GNPTAB: variants seen among roughly 807,000 people sequenced by gnomAD.
GNPTAB encodes the protein N-acetylglucosamine-1-phosphate transferase subunits alpha and beta.
In GNPTAB, 92 loss-of-function variants were observed where a neutral mutation model predicts 136.6. The ratio of observed to expected loss-of-function variants is 0.67; its 90% CI spans 0.57 to 0.80. The LOEUF (loss-of-function observed/expected upper bound fraction) is 0.80. GNPTAB is among the 30% of genes least tolerant of loss of function. The pLI is 0.00. For missense variants in GNPTAB, 1,343 were observed against 1,501.8 expected, an observed-to-expected ratio of 0.89 and a Z score of 1.75; for synonymous variants, 512 against 535.1, an observed-to-expected ratio of 0.96 and a Z score of 0.60.
At chr12:101,794,415 G>A (rs1312669636) in intron 2 of GNPTAB, among the ~76,000 whole-genome samples, 2 of 152,018 alleles carry the variant, frequency 1.3e-5, no homozygotes, top group Non-Finnish European at 2.9e-5. Flanking sequence ...TTGGGAGGCT[G>A]AGGTAAGAGG....
intron 1 of GNPTAB, among the ~76,000 whole-genome samples, chr12:101,805,933 T>C (rs1428934413): frequency 6.6e-6 from 1 of 152,234 alleles, no homozygotes; most frequent in Non-Finnish European, 1.5e-5. Context: ...TCATTAAACA[T>C]GATTTAAAAA....
At chr12:101,768,440 A>G (rs775103107) in intron 10 of GNPTAB, among the ~76,000 whole-genome samples, 1 of 152,226 alleles carries the variant, frequency 6.6e-6, no homozygotes, top group Non-Finnish European at 1.5e-5. Context: ...CTCTCATAAC[A>G]TGCTTTGATA....
At chr12:101,815,945 G>A (rs187087988) in intron 1 of GNPTAB, among the ~76,000 whole-genome samples, 154 of 152,292 alleles carry the variant, frequency 1.0e-3, no homozygotes, top group African/African-American at 3.5e-3. Flanking sequence ...CATACGATGG[G>A]GAAAGGACAG....
At chr12:101,802,279 G>A (rs931055386) in intron 1 of GNPTAB, among the ~76,000 whole-genome samples, 1 of 151,466 alleles carries the variant, frequency 6.6e-6, no homozygotes, top group Non-Finnish European at 1.5e-5. Context: ...TAAACTTATT[G>A]ACAATTCCTC....
At chr12:101,799,959 C>A (rs1869519841) in intron 1 of GNPTAB, among the ~76,000 whole-genome samples, 1 of 152,124 alleles carries the variant, frequency 6.6e-6, no homozygotes, top group African/African-American at 2.4e-5. Context: ...GAAGAGAACC[C>A]CAATAGAGAG....
intron 7 of GNPTAB, among the ~76,000 whole-genome samples, chr12:101,776,188 C>A (rs1953260647): frequency 6.6e-6 from 1 of 152,168 alleles, no homozygotes; most frequent in Non-Finnish European, 1.5e-5. Flanking sequence ...GGGAAGATTT[C>A]CCACTTGCTC....
chr12:101,803,297 T>C (rs1005542682), intron 1 of GNPTAB, among the ~76,000 whole-genome samples: 1 of 152,236 alleles, frequency 6.6e-6, no homozygotes, highest in African/African-American at 2.4e-5. Context: ...AAGACTAAGA[T>C]ATATTAAAGA....
At chr12:101,814,507 G>C (rs1435831805) in intron 1 of GNPTAB, among the ~76,000 whole-genome samples, 1 of 152,034 alleles carries the variant, frequency 6.6e-6, no homozygotes, top group African/African-American at 2.4e-5. Context: ...GACCAGCCTG[G>C]CCAACATGGT....
At chr12:101,782,567 T>C (rs561782896) in intron 5 of GNPTAB, among the ~76,000 whole-genome samples, 2 of 152,214 alleles carry the variant, frequency 1.3e-5, no homozygotes, top group African/African-American at 4.8e-5. Flanking sequence ...GTCTGAATTA[T>C]CACAACTTTT....
intron 1 of GNPTAB, among the ~76,000 whole-genome samples, chr12:101,824,216 T>C (rs1870954946): frequency 6.6e-6 from 1 of 151,944 alleles, no homozygotes; most frequent in East Asian, 1.9e-4. Flanking sequence ...AAAAGCTATC[T>C]TTCTGCTGCA....
At chr12:101,770,699 A>G in intron 8 of GNPTAB, 114 bp from the exon 9 acceptor site, 2 of 787,954 alleles carry the variant, frequency 2.5e-6, no homozygotes, top group Admixed American at 4.0e-5. Context: ...AGACTTTTAA[A>G]GATGGAGTCC....
intron 1 of GNPTAB, among the ~76,000 whole-genome samples, chr12:101,827,235 C>G (rs1871134831): frequency 6.6e-6 from 1 of 151,894 alleles, no homozygotes; most frequent in Non-Finnish European, 1.5e-5. Flanking sequence ...CTCAAGTGAT[C>G]CTCCCACCCC....
intron 1 of GNPTAB, among the ~76,000 whole-genome samples, chr12:101,827,057 CCT>C (rs1442706418): frequency 2.7e-5 from 4 of 150,426 alleles, no homozygotes; most frequent in Non-Finnish European, 5.9e-5. Context: ...AAGCAACACT[CCT>C]GCCACAGCCT....
rs1555277081 is a variant in GNPTAB, at chr12:101,830,637, G to A, written c.39C>T (p.Cys13=). The A allele has an allele frequency of 1.2e-6, 2 of 1,611,230 alleles. No homozygotes were observed. The highest frequency in any genetic ancestry group is 1.3e-5 in the African/African-American group (1 of 74,926). The change falls in exon 1 of 21, where the codon TGC becomes TGT. Residue 13 remains cysteine (C), a synonymous_variant. Coordinates refer to ENST00000299314, the MANE Select transcript of GNPTAB (RefSeq NM_024312.5). ...FKLLQRQTYT[C]LSHRYGLYVC... is the part of the protein sequence containing the mutation. Reference sequence around the variant, plus strand: ...CGTAGAGCCCATACCTGTGGGACAGGCAGGTATAGGTCTGTCTCTGCAGGA... The same window carrying A: ...CGTAGAGCCCATACCTGTGGGACAGACAGGTATAGGTCTGTCTCTGCAGGA...
chr12:101,797,581 G>A (rs1415819933), intron 1 of GNPTAB, among the ~76,000 whole-genome samples: 7 of 152,242 alleles, frequency 4.6e-5, no homozygotes, highest in South Asian at 2.1e-4. Context: ...CCAAGATCGC[G>A]CCACTGCACT....
At chr12:101,794,005 G>A (rs900149488) in intron 2 of GNPTAB, among the ~76,000 whole-genome samples, 2 of 152,044 alleles carry the variant, frequency 1.3e-5, no homozygotes, top group Non-Finnish European at 2.9e-5. Flanking sequence ...CACCGCCCTG[G>A]CTAATTTTTG....
At chr12:101,805,897 T>C (rs1163215214) in intron 1 of GNPTAB, among the ~76,000 whole-genome samples, 3 of 152,120 alleles carry the variant, frequency 2.0e-5, no homozygotes, top group Non-Finnish European at 4.4e-5. Flanking sequence ...TTATTACCGA[T>C]AAAAACGAAA....
intron 1 of GNPTAB, among the ~76,000 whole-genome samples, chr12:101,825,208 C>T (rs1871027369): frequency 6.6e-6 from 1 of 152,180 alleles, no homozygotes; most frequent in South Asian, 2.1e-4. Context: ...AAACAATAGC[C>T]AAAGGCATGA....
intron 1 of GNPTAB, among the ~76,000 whole-genome samples, chr12:101,830,067 T>TA (rs1262498362): frequency 1.3e-5 from 2 of 151,100 alleles, no homozygotes; most frequent in African/African-American, 4.9e-5. Flanking sequence ...TCAAACCACT[T>TA]AAAAATACAG....
Sources: allele counts gnomAD v4.1 joint callset (sites outside exome capture counted in the v4.1 genomes callset), GRCh38; gene constraint gnomAD v4.1.1; transcripts MANE v1.5; gene names NCBI Gene and HGNC (gene_info 2026-07-23, HGNC 2026-07-21).